Variants in CWC27 observed in about 807,000 individuals in gnomAD.
CWC27 encodes the protein CWC27 spliceosome associated cyclophilin.
Under a neutral mutation model 63.6 loss-of-function variants are expected in CWC27, and 47 were observed. That is an observed-to-expected ratio of 0.74 (90% CI 0.58 to 0.94). The LOEUF is 0.94. Ranked by LOEUF, CWC27 falls within the 40% of genes least tolerant of loss-of-function variation. The pLI is 0.00. For synonymous variants in CWC27, 175 were observed against 179.8 expected, an observed-to-expected ratio of 0.97 and a Z score of 0.22; for missense variants, 495 against 554.3, an observed-to-expected ratio of 0.89 and a Z score of 1.07.
In CWC27 at chr5:64,778,922, C is replaced by A. The variant is rs953028982; in HGVS notation, c.140-2999C>A. ...CTTTCTACTTCTTATGTACTGTGTA[C>A]TAAATACAGTTGTTAGAATACAGAT... On this transcript the variant is annotated intron_variant, in intron 2 of 13. Transcript: ENST00000381070. Among the ~76,000 whole-genome samples, 14 of 152,094 alleles carry A rather than the reference C, an allele frequency of 9.2e-5. No homozygotes were observed. In the South Asian group the frequency reaches 2.9e-3, roughly 31 times the overall value.
intron 11 of CWC27, among the ~76,000 whole-genome samples, chr5:64,915,497 G>A (rs1384850157): frequency 6.6e-6 from 1 of 152,074 alleles, no homozygotes; most frequent in Non-Finnish European, 1.5e-5. Context: ...TTTAACTTGT[G>A]TACTTTCCAG....
chr5:64,873,428 T>G (rs1746724517), intron 10 of CWC27, among the ~76,000 whole-genome samples: 1 of 152,022 alleles, frequency 6.6e-6, no homozygotes, highest in South Asian at 2.1e-4. Context: ...AAACCAAAAT[T>G]CAAAGTATTA....
In CWC27 at chr5:64,895,434, A is replaced by G. The variant is rs1014272860; in HGVS notation, c.1042+9888A>G. On this transcript the variant is annotated intron_variant, in intron 11 of 13. Transcript: ENST00000381070. ...ACAATTTTGTGTGGAATAACAAACA[A>G]TAAAAGAATTTAGTTGGAAATGGCC... 3.3e-5 allele frequency among the ~76,000 whole-genome samples: 5 copies of G among 152,342 alleles called. No individual in the cohort carries two copies. The South Asian group carries it at 8.3e-4, about 25-fold the overall frequency.
chr5:65,000,649 T>C (rs1355204895), intron 13 of CWC27, among the ~76,000 whole-genome samples: 3 of 152,150 alleles, frequency 2.0e-5, no homozygotes, highest in African/African-American at 7.2e-5. Flanking sequence ...TATGTGCATT[T>C]ATTTCTGGGT....
intron 11 of CWC27, among the ~76,000 whole-genome samples, chr5:64,887,390 T>G (rs897107674): frequency 6.6e-6 from 1 of 152,098 alleles, no homozygotes; most frequent in Admixed American, 6.6e-5. Flanking sequence ...TTTTTTGAGA[T>G]GGAGTCTCAC....
chr5:64,997,304 G>A (rs374884046), intron 13 of CWC27, among the ~76,000 whole-genome samples: 1 of 152,096 alleles, frequency 6.6e-6, no homozygotes, highest in Non-Finnish European at 1.5e-5. Flanking sequence ...GTGCCCTAAA[G>A]TGTAAACTGG....
intron 1 of CWC27, among the ~76,000 whole-genome samples, chr5:64,770,700 TAGA>T (rs1346649734): frequency 2.0e-5 from 3 of 152,230 alleles, no homozygotes; most frequent in African/African-American, 4.8e-5. Flanking sequence ...TGATACATGA[TAGA>T]AGGAGTTCAG....
chr5:64,912,723 T>C (rs1747816604), intron 11 of CWC27, among the ~76,000 whole-genome samples: 1 of 152,144 alleles, frequency 6.6e-6, no homozygotes, highest in Non-Finnish European at 1.5e-5. Flanking sequence ...ATAAAAATGC[T>C]CTCAAAATGC....
intron 10 of CWC27, among the ~76,000 whole-genome samples, chr5:64,822,723 A>T (rs1041571073): frequency 6.6e-6 from 1 of 152,168 alleles, no homozygotes; most frequent in African/African-American, 2.4e-5. Flanking sequence ...TAATAGATTA[A>T]TTTTTTTAAA....
chr5:64,918,572 A>G (rs536859554), intron 11 of CWC27, among the ~76,000 whole-genome samples: 2 of 152,306 alleles, frequency 1.3e-5, no homozygotes, highest in South Asian at 2.1e-4. Flanking sequence ...AAAAAGGGAA[A>G]AAAAGAAAAT....
intron 11 of CWC27, among the ~76,000 whole-genome samples, chr5:64,895,915 A>G (rs1228291762): frequency 1.3e-5 from 2 of 152,224 alleles, no homozygotes; most frequent in Non-Finnish European, 2.9e-5. Flanking sequence ...GGAAGATCTA[A>G]TAAATGTTTA....
chr5:64,896,464 A>C (rs1009123735), intron 11 of CWC27, among the ~76,000 whole-genome samples: 1 of 152,218 alleles, frequency 6.6e-6, no homozygotes, highest in East Asian at 1.9e-4. Context: ...TTAAAAATAC[A>C]TAACAACATA....
At chr5:64,978,759 C>T (rs1408104571) in intron 13 of CWC27, among the ~76,000 whole-genome samples, 2 of 152,004 alleles carry the variant, frequency 1.3e-5, no homozygotes, top group East Asian at 1.9e-4. Context: ...AAATATGACC[C>T]GTGTGTTTCT....
intron 11 of CWC27, among the ~76,000 whole-genome samples, chr5:64,923,581 T>C (rs1748042593): frequency 1.4e-5 from 2 of 146,802 alleles, no homozygotes; most frequent in African/African-American, 5.1e-5. Flanking sequence ...TTCTGGTCTG[T>C]CTCAATGGGA....
At chr5:64,946,004 G>T (rs1748584379) in intron 11 of CWC27, among the ~76,000 whole-genome samples, 1 of 152,038 alleles carries the variant, frequency 6.6e-6, no homozygotes, top group Admixed American at 6.6e-5. Context: ...TTTTAATAGA[G>T]CAGAATAGAG....
chr5:64,840,389 AAAAAAATATATATATATATATATAT>A (rs1419198772), intron 10 of CWC27, among the ~76,000 whole-genome samples: 42 of 44,978 alleles, frequency 9.3e-4, no homozygotes, highest in Non-Finnish European at 1.5e-3. Flanking sequence ...AAAAAAAAAA[AAAAAAATATATATATATATATATAT>A]ATATATATAT....
intron 10 of CWC27, among the ~76,000 whole-genome samples, chr5:64,818,262 C>T (rs1484011703): frequency 6.6e-6 from 1 of 152,118 alleles, no homozygotes; most frequent in Admixed American, 6.5e-5. Flanking sequence ...TGTATGTACT[C>T]AATAGATAGG....
chr5:64,840,562 G>T (rs1022832590), intron 10 of CWC27, among the ~76,000 whole-genome samples: 6 of 150,784 alleles, frequency 4.0e-5, no homozygotes, highest in Admixed American at 3.3e-4. Context: ...TTTTTCAGCT[G>T]AAGGTAACAG....
At chr5:64,960,261 C>T (rs919563315) in intron 11 of CWC27, among the ~76,000 whole-genome samples, 3 of 151,114 alleles carry the variant, frequency 2.0e-5, no homozygotes, top group Non-Finnish European at 4.4e-5. Context: ...ACTGGTTAAG[C>T]GCTTGTACTT....
Sources: allele counts gnomAD v4.1 joint callset (sites outside exome capture counted in the v4.1 genomes callset), GRCh38; gene constraint gnomAD v4.1.1; transcripts MANE v1.5; gene names NCBI Gene and HGNC (gene_info 2026-07-23, HGNC 2026-07-21).